FAM167A: variants seen among roughly 807,000 people sequenced by gnomAD.
FAM167A encodes the protein family with sequence similarity 167 member A, also known as protein FAM167A.
In FAM167A, 23 loss-of-function variants were observed where a neutral mutation model predicts 14.9. The observed-to-expected ratio is 1.55, with a 90% CI of 1.11 to 2.19. The LOEUF is 2.19. Among genes scored for constraint, FAM167A ranks in the 30% most tolerant of loss-of-function variants. FAM167A has a pLI of 0.00. For synonymous variants in FAM167A, 174 were observed against 117.7 expected (o/e 1.48, Z -3.10); for missense variants, 401 against 281.5 (o/e 1.42, Z -3.04).
chr8:11,455,484 T>G (rs1402207134), intron 1 of FAM167A, among the ~76,000 whole-genome samples: 3 of 118,854 alleles, frequency 2.5e-5, no homozygotes, highest in Non-Finnish European at 5.2e-5. Context: ...TGGGGAGTGG[T>G]TGCCCTGATG....
At chr8:11,437,841 C>T (rs1028143401) in intron 2 of FAM167A, among the ~76,000 whole-genome samples, 3 of 147,378 alleles carry the variant, frequency 2.0e-5, no homozygotes, top group African/African-American at 5.4e-5. Context: ...AATGCAATTA[C>T]GTGGACAGGC....
chr8:11,460,471 C>T (rs912401005), intron 1 of FAM167A, among the ~76,000 whole-genome samples: 22 of 152,326 alleles, frequency 1.4e-4, no homozygotes, highest in African/African-American at 4.6e-4. Flanking sequence ...GCCACCCCCA[C>T]GGGGCCAGGG....
At chr8:11,435,172 C>T in intron 2 of FAM167A, 1 of 455,698 alleles carries the variant, frequency 2.2e-6, no homozygotes, top group Non-Finnish European at 4.4e-6. Context: ...CTTGCCCCCA[C>T]AGGGCAGCCA....
chr8:11,444,722 A>G lies in FAM167A; in HGVS notation c.-311T>C, dbSNP rs963608328. ...CTCGGGGCAGCCTGTGCCAAGGTCTATCTGTCCTGAACGCACTCGAAGACC... is the reference window on the plus strand; with the variant it reads ...CTCGGGGCAGCCTGTGCCAAGGTCTGTCTGTCCTGAACGCACTCGAAGACC... On this transcript the variant is annotated 5_prime_UTR_variant, in exon 2 of 3. Transcript: ENST00000284486. 16 of 1,155,982 alleles carry G rather than the reference A, an allele frequency of 1.4e-5. No homozygotes were observed. Among genetic ancestry groups the G allele is most frequent in the Admixed American group, 4.3e-5 (1 of 23,022 alleles). The allele number at this position is 1,155,982 out of a possible 1,614,324, so 71.6% of individuals were successfully genotyped here.
chr8:11,464,710 G>A (rs1807683921), intron 1 of FAM167A, among the ~76,000 whole-genome samples: 1 of 152,202 alleles, frequency 6.6e-6, no homozygotes, highest in Non-Finnish European at 1.5e-5. Flanking sequence ...GGAAAGCACA[G>A]CTCCCAAAGG....
At chr8:11,425,676 T>A (rs1196441544) in intron 2 of FAM167A, among the ~76,000 whole-genome samples, 1 of 148,878 alleles carries the variant, frequency 6.7e-6, no homozygotes, top group Non-Finnish European at 1.5e-5. Context: ...ATACCCCCCC[T>A]TGCTGTTGGA....
Position 11,422,717 on chromosome 8 carries a change from C to T in FAM167A, c.*1656G>A, listed in dbSNP as rs1337619675. On this transcript the variant is annotated 3_prime_UTR_variant, in exon 3 of 3. Transcript: ENST00000284486. ...AGCCCACAAAAGAAAAGCAACCTCT[C>T]CCCTATGTGGGTCACGATGTGTGGG... is the stretch of plus-strand genomic sequence containing the variant. The T allele has an allele frequency of 6.6e-6, 1 of 152,268 alleles. No individual in the cohort carries two copies. Among genetic ancestry groups the T allele is most frequent in the Non-Finnish European group, 1.5e-5 (1 of 68,068 alleles). 9.4% of individuals were successfully genotyped at this position (152,268 alleles called of 1,614,324 possible).
rs1585259190 is a variant in FAM167A at position 11,444,480 on chromosome 8, C to T, written c.-69G>A. Reference sequence around the variant, plus strand: ...GCGCAGGGGGAGGCTTGGTGGGTGGCACAGTTGGGTCCCGCTCTGGGATGG... The same window carrying T: ...GCGCAGGGGGAGGCTTGGTGGGTGGTACAGTTGGGTCCCGCTCTGGGATGG... On this transcript the variant is annotated 5_prime_UTR_variant, in exon 2 of 3. Transcript: ENST00000284486. The T allele has an allele frequency of 2.7e-6, 4 of 1,499,526 alleles. No homozygotes were observed. Among genetic ancestry groups the T allele is most frequent in the East Asian group, 2.3e-5 (1 of 43,228 alleles). 92.9% of individuals were successfully genotyped at this position (1,499,526 alleles called of 1,614,324 possible).
chr8:11,452,635 G>C (rs1446859028), intron 1 of FAM167A, among the ~76,000 whole-genome samples: 3 of 152,200 alleles, frequency 2.0e-5, no homozygotes, highest in Admixed American at 6.5e-5. Context: ...TCTGCAGCCT[G>C]AAAGAGGTGC....
intron 2 of FAM167A, among the ~76,000 whole-genome samples, chr8:11,442,550 A>T (rs1263166587): frequency 6.6e-6 from 1 of 152,218 alleles, no homozygotes; most frequent in African/African-American, 2.4e-5. Context: ...AAACCAACAA[A>T]TAGTATCTTT....
upstream of FAM167A, among the ~76,000 whole-genome samples, chr8:11,468,664 C>T (rs763495708): frequency 3.3e-5 from 5 of 152,226 alleles, no homozygotes; most frequent in African/African-American, 7.2e-5. Flanking sequence ...GGCCCTGGCA[C>T]GTGGTGAATG....
At chr8:11,437,889 T>C (rs1374440209) in intron 2 of FAM167A, 1 of 195,994 alleles carries the variant, frequency 5.1e-6, no homozygotes, top group Non-Finnish European at 1.1e-5. Context: ...AATTTGCGTA[T>C]TTCCCTTTGG....
intron 1 of FAM167A, among the ~76,000 whole-genome samples, chr8:11,455,636 G>GGTGT (rs111808227): frequency 0.4 from 51,789 of 129,090 alleles, 10,952 homozygotes; most frequent in East Asian, 0.64. Context: ...TGCTCTGCTG[G>GGTGT]GTGTGAGTGT....
At chr8:11,427,718 G>A (rs1471281319) in intron 2 of FAM167A, among the ~76,000 whole-genome samples, 2 of 152,050 alleles carry the variant, frequency 1.3e-5, no homozygotes, top group Non-Finnish European at 2.9e-5. Context: ...TCATATATAA[G>A]AAAAATCAAG....
intron 1 of FAM167A, among the ~76,000 whole-genome samples, chr8:11,447,340 C>G (rs1477758860): frequency 6.6e-6 from 1 of 152,122 alleles, no homozygotes; most frequent in Non-Finnish European, 1.5e-5. Context: ...TGCCACCATA[C>G]CCAGCTAATT....
chr8:11,438,569 A>G (rs1363441571), intron 2 of FAM167A: 2 of 443,942 alleles, frequency 4.5e-6, no homozygotes, highest in Admixed American at 5.1e-5. Context: ...TATACATGAT[A>G]TATTCCTATT....
chr8:11,449,185 G>A (rs1163536342), intron 1 of FAM167A, among the ~76,000 whole-genome samples: 1 of 152,372 alleles, frequency 6.6e-6, no homozygotes, highest in African/African-American at 2.4e-5. Context: ...GGGGAGCACT[G>A]TCCCCCTGGG....
chr8:11,428,980 T>C (rs1316735230), intron 2 of FAM167A, among the ~76,000 whole-genome samples: 1 of 152,242 alleles, frequency 6.6e-6, no homozygotes, highest in African/African-American at 2.4e-5. Context: ...CCATACAACA[T>C]AGAAGTTATC....
rs1229003367 is a variant in FAM167A, at chr8:11,422,756, C to A, written c.*1617G>T. ...ACGATGTGTGGGTGGACACGGGCCC[C>A]ACTGAGATTACACAGGAAGAAGTCA... On this transcript the variant is annotated 3_prime_UTR_variant, in exon 3 of 3. Transcript: ENST00000284486. 1 of 152,172 alleles carries A rather than the reference C, an allele frequency of 6.6e-6. No homozygotes were observed. Among genetic ancestry groups the A allele is most frequent in the African/African-American group, 2.4e-5 (1 of 41,372 alleles). 9.4% of individuals were successfully genotyped at this position (152,172 alleles called of 1,614,324 possible).
Sources: gnomAD v4.1 joint callset for allele counts (sites outside exome capture counted in the v4.1 genomes callset) on GRCh38, gnomAD v4.1.1 for gene constraint, MANE v1.5 for transcripts, NCBI Gene and HGNC (gene_info 2026-07-23, HGNC 2026-07-21) for gene names.